Variants in BICRA observed in about 807,000 individuals in gnomAD.
The protein encoded by BICRA is BRD4 interacting chromatin remodeling complex associated protein, also known as BRD4-interacting chromatin-remodeling complex-associated protein.
Under a neutral mutation model 96.9 loss-of-function variants are expected in BICRA, and 31 were observed. The observed-to-expected ratio is 0.32, with a 90% CI of 0.24 to 0.43. The LOEUF is 0.43. Ranked by LOEUF, BICRA falls within the 20% of genes least tolerant of loss-of-function variation. The pLI, the probability that BICRA is intolerant of heterozygous loss-of-function variation, is 1.00. For synonymous variants in BICRA, 1,350 were observed against 1,071.8 expected (o/e 1.26, Z -5.07); for missense variants, 2,283 against 2,190.3 (o/e 1.04, Z -0.84).
rs202202350 is a variant in BICRA, at chr19:47,694,637, C to G, written c.2806C>G (p.Pro936Ala). 5.7e-6 allele frequency: 9 copies of G among 1,572,794 alleles called. No individual in the cohort carries two copies. The East Asian group carries it at 9.0e-5, about 16-fold the overall frequency. The change falls in exon 8 of 15, where the codon CCC becomes GCC. Residue 936 changes from proline (P) to alanine (A), a missense_variant. By Grantham distance (27) the Pro-to-Ala change is conservative. Coordinates refer to ENST00000594866, the MANE Select transcript of BICRA (RefSeq NM_001394372.1). ...LHLVPEPAAP[P>A]PPPPRTFQMV... ...CCTGGTCCCTGAGCCGGCAGCACCC[C>G]CCCCACCGCCTCCTCGGACCTTCCA...
chr19:47,695,576 G>C (rs2241611), intron 10 of BICRA, 102 bp downstream of exon 10: 309,571 of 653,048 alleles, frequency 0.47, 75,705 homozygotes, highest in East Asian at 0.67. Flanking sequence ...ACGCGGACAG[G>C]ATGAAGCTGG....
intron 1 of BICRA, among the ~76,000 whole-genome samples, chr19:47,630,686 C>G (rs1478617689): frequency 2.6e-5 from 4 of 152,140 alleles, no homozygotes; most frequent in Admixed American, 2.0e-4. Flanking sequence ...GGTCATGTCC[C>G]CTTTTTGCTA....
Position 47,682,072 on chromosome 19 carries a change from C to A in BICRA, c.2203C>A (p.Pro735Thr), listed in dbSNP as rs935660870. The A allele has an allele frequency of 1.3e-6, 2 of 1,525,828 alleles. No homozygotes were observed. The highest frequency in any genetic ancestry group is 1.8e-6 in the Non-Finnish European group (2 of 1,125,158). 94.5% of individuals were successfully genotyped at this position (1,525,828 alleles called of 1,614,324 possible). A position where few individuals can be genotyped will look rare whatever the true frequency, so the allele number is the denominator to read the frequency against. ...SAPPPAQDPA[P>T]ATPVAKGAGL... ...CCCGCCTCCCGCCCAAGACCCAGCC[C>A]CAGCCACCCCCGTCGCCAAAGGAGC... Residue 735 changes from proline (P) to threonine (T), a missense_variant, in exon 7 of 15, where the codon CCA becomes ACA. Transcript: ENST00000594866.
intron 1 of BICRA, among the ~76,000 whole-genome samples, chr19:47,667,897 G>A (rs1972806524): frequency 6.6e-6 from 1 of 152,188 alleles, no homozygotes; most frequent in African/African-American, 2.4e-5. Context: ...GGGTAGTGGT[G>A]AAGGGCGAGG....
At position 47,680,409 on chromosome 19, in the gene BICRA, C is replaced by A; in HGVS notation, c.1239C>A (p.Gly413=). 6.5e-6 allele frequency: 10 copies of A among 1,535,138 alleles called. No individual in the cohort carries two copies. The highest frequency in any genetic ancestry group is 8.7e-6 in the Non-Finnish European group (10 of 1,145,500). ...GKAGQNVVLS[G]FPAPALQANV... Reference sequence around the variant, plus strand: ...CGGGCCAGAACGTGGTGCTGTCGGGCTTCCCCGCGCCTGCGCTGCAAGCGA... The same window carrying A: ...CGGGCCAGAACGTGGTGCTGTCGGGATTCCCCGCGCCTGCGCTGCAAGCGA... Residue 413 remains glycine (G), a synonymous_variant, in exon 6 of 15, where the codon GGC becomes GGA. Coordinates refer to ENST00000594866, the MANE Select transcript of BICRA (RefSeq NM_001394372.1).
rs755318925 is a variant in BICRA at position 47,675,473 on chromosome 19, TGA to T, written c.85-375_85-374del. Among the ~76,000 whole-genome samples the T allele has an allele frequency of 9.9e-5, 15 of 151,662 alleles. No individual in the cohort carries two copies. Among genetic ancestry groups the T allele is most frequent in the Non-Finnish European group, 2.1e-4 (14 of 67,774 alleles). Reference sequence around the variant, plus strand: ...GCTGCGTTGGGAAAGGAGTACTTAGTGAGAAGGGACAGGAGCTGTTGGACCAC... The same window carrying T: ...GCTGCGTTGGGAAAGGAGTACTTAGTGAAGGGACAGGAGCTGTTGGACCAC... On this transcript the variant is annotated intron_variant, in intron 4 of 14. Transcript: ENST00000594866. The surrounding 1 kb of genome is among the most constrained non-coding windows in gnomAD (Gnocchi z 4.7).
At chr19:47,696,990 C>G (rs1287019585) in intron 11 of BICRA, among the ~76,000 whole-genome samples, 2 of 114,254 alleles carry the variant, frequency 1.8e-5, no homozygotes, top group South Asian at 3.3e-4. Context: ...CTTCCACCAC[C>G]AGGGTTTTTT....
chr19:47,639,812 T>A (rs1031491179), intron 1 of BICRA, among the ~76,000 whole-genome samples: 1 of 151,678 alleles, frequency 6.6e-6, no homozygotes, highest in Non-Finnish European at 1.5e-5. Context: ...CCACCTAATT[T>A]AAAATTTTTT....
At chr19:47,671,668 G>A (rs1315563969) in intron 2 of BICRA, among the ~76,000 whole-genome samples, 3 of 150,620 alleles carry the variant, frequency 2.0e-5, no homozygotes, top group African/African-American at 7.3e-5. Flanking sequence ...GAAGGATGGA[G>A]GGATGGGTAG....
At chr19:47,639,319 A>ATTCTTT (rs1972348146) in intron 1 of BICRA, among the ~76,000 whole-genome samples, 3 of 52,368 alleles carry the variant, frequency 5.7e-5, no homozygotes, top group African/African-American at 1.7e-4. Flanking sequence ...CCCACCCTGC[A>ATTCTTT]TTTTTTTTTT....
intron 5 of BICRA, among the ~76,000 whole-genome samples, chr19:47,678,250 G>A (rs1323562444): frequency 6.6e-6 from 1 of 151,992 alleles, no homozygotes; most frequent in Non-Finnish European, 1.5e-5. Context: ...CGAGTAGCTG[G>A]GACTGCAGGC....
Position 47,681,051 on chromosome 19 carries a change from GC to G in BICRA, c.1887del (p.Ala630ArgfsTer94). On this transcript the variant is annotated frameshift_variant, in exon 6 of 15. Coordinates refer to ENST00000594866, the MANE Select transcript of BICRA (RefSeq NM_001394372.1). LOFTEE classifies it high-confidence loss of function. ...VLTVQPAPQA[P>X]PAVSTPLPLG... ...TCACGGTGCAGCCTGCCCCCCAGGC[GC>G]CCCCCGCGGTCAGCACACCCCTGCC... The G allele has an allele frequency of 9.3e-6, 13 of 1,399,028 alleles. No individual in the cohort carries two copies. The highest frequency in any genetic ancestry group is 3.3e-5 in the Admixed American group (1 of 30,662). 86.7% of individuals were successfully genotyped at this position (1,399,028 alleles called of 1,614,324 possible). A position where few individuals can be genotyped will look rare whatever the true frequency, so the allele number is the denominator to read the frequency against.
chr19:47,657,371 G>A (rs1972634422), intron 1 of BICRA, among the ~76,000 whole-genome samples: 1 of 151,912 alleles, frequency 6.6e-6, no homozygotes, highest in Non-Finnish European at 1.5e-5. Flanking sequence ...TTACAGTTAG[G>A]GGCTTTTATG....
chr19:47,686,274 T>C (rs931667321), intron 7 of BICRA, among the ~76,000 whole-genome samples: 5 of 152,160 alleles, frequency 3.3e-5, no homozygotes, highest in African/African-American at 1.2e-4. Flanking sequence ...TGCATACATA[T>C]ATGTATTTGT....
At chr19:47,611,977 T>A (rs1971914283) in intron 1 of BICRA, among the ~76,000 whole-genome samples, 1 of 151,962 alleles carries the variant, frequency 6.6e-6, no homozygotes, top group African/African-American at 2.4e-5. Flanking sequence ...TTCAAGCGAT[T>A]GTCCTGCCTC....
chr19:47,617,308 CT>C (rs1008328213), intron 1 of BICRA, among the ~76,000 whole-genome samples: 2 of 150,560 alleles, frequency 1.3e-5, no homozygotes, highest in African/African-American at 2.4e-5. Flanking sequence ...TTTCTTTTTT[CT>C]TTTTTTTTGC....
At chr19:47,686,499 T>G (rs1434378545) in intron 7 of BICRA, among the ~76,000 whole-genome samples, 1 of 152,144 alleles carries the variant, frequency 6.6e-6, no homozygotes, top group Non-Finnish European at 1.5e-5. Flanking sequence ...TTCTCCTGCC[T>G]CAGCTTCCCA....
chr19:47,629,475 G>C (rs1568550302), intron 1 of BICRA, among the ~76,000 whole-genome samples: 1 of 152,212 alleles, frequency 6.6e-6, no homozygotes, highest in East Asian at 1.9e-4. Flanking sequence ...TGTCCTGAAG[G>C]CTTATTCGTG....
chr19:47,699,763 C>T lies in BICRA; in HGVS notation c.3595+358C>T, dbSNP rs1973411499. On this transcript the variant is annotated intron_variant, in intron 14 of 14. Transcript: ENST00000594866. The surrounding 1 kb of genome is among the most constrained non-coding windows in gnomAD (Gnocchi z 5.0). ...GGGTGCCAGTCCTTTGCTTGGGGAC[C>T]CTGAGAGTGAGCACCTCCTTAAGTG... Among the ~76,000 whole-genome samples, 1 of 152,120 alleles carries T rather than the reference C, an allele frequency of 6.6e-6. No individual in the cohort carries two copies. Among genetic ancestry groups the T allele is most frequent in the African/African-American group, 2.4e-5 (1 of 41,424 alleles).
Sources: allele counts gnomAD v4.1 joint callset (sites outside exome capture counted in the v4.1 genomes callset), GRCh38; gene constraint gnomAD v4.1.1; non-coding constraint Gnocchi (gnomAD v3.1); transcripts MANE v1.5; gene names NCBI Gene and HGNC (gene_info 2026-07-23, HGNC 2026-07-21).